Variants in FRMD4B observed in about 807,000 individuals in gnomAD.
The protein encoded by FRMD4B is FERM domain containing 4B, also known as FERM domain-containing protein 4B.
A neutral mutation model predicts 141.5 loss-of-function variants in FRMD4B; 74 were observed. The observed-to-expected ratio is 0.52, with a 90% CI of 0.43 to 0.63. The LOEUF (loss-of-function observed/expected upper bound fraction) is 0.63, where lower values mean the gene tolerates loss of function less well. Ranked by LOEUF, FRMD4B falls within the 30% of genes least tolerant of loss-of-function variation. The pLI is 0.00. For synonymous variants in FRMD4B, 506 were observed against 467.9 expected (o/e 1.08, Z -1.05); for missense variants, 1,366 against 1,253.4 (o/e 1.09, Z -1.36).
chr3:69,519,684 G>C (rs1206984495), intron 1 of FRMD4B, among the ~76,000 whole-genome samples: 1 of 152,046 alleles, frequency 6.6e-6, no homozygotes, highest in Non-Finnish European at 1.5e-5. Flanking sequence ...ACAGTTGGTA[G>C]TTGGTTACAT....
intron 1 of FRMD4B, among the ~76,000 whole-genome samples, chr3:69,331,707 A>G (rs1702375022): frequency 6.6e-6 from 1 of 152,110 alleles, no homozygotes; most frequent in Non-Finnish European, 1.5e-5. Flanking sequence ...CTCACATGAG[A>G]TAAGATGTAT....
chr3:69,415,564 G>A (rs1290249600), intron 2 of FRMD4B, among the ~76,000 whole-genome samples: 1 of 152,026 alleles, frequency 6.6e-6, no homozygotes, highest in Non-Finnish European at 1.5e-5. Flanking sequence ...CCCTTTTCCT[G>A]GTTAGGTGCT....
intron 1 of FRMD4B, among the ~76,000 whole-genome samples, chr3:69,455,343 CTTG>C (rs1559532371): frequency 1.3e-5 from 2 of 152,186 alleles, no homozygotes; most frequent in Non-Finnish European, 2.9e-5. Flanking sequence ...TTTGCAGTTG[CTTG>C]TTATTTGGGT....
intron 1 of FRMD4B, among the ~76,000 whole-genome samples, chr3:69,441,132 T>C (rs1387265353): frequency 1.3e-5 from 2 of 152,210 alleles, no homozygotes; most frequent in Non-Finnish European, 2.9e-5. Flanking sequence ...GGCTTTCTGT[T>C]ACACTAAGAA....
chr3:69,358,745 CAAAT>C (rs1703392903), intron 1 of FRMD4B, among the ~76,000 whole-genome samples: 1 of 152,176 alleles, frequency 6.6e-6, no homozygotes, highest in South Asian at 2.1e-4. Context: ...CAAAAACAAA[CAAAT>C]AAACAAACAA....
chr3:69,292,493 G>A (rs930097739), intron 4 of FRMD4B, among the ~76,000 whole-genome samples: 1 of 152,144 alleles, frequency 6.6e-6, no homozygotes, highest in Non-Finnish European at 1.5e-5. Context: ...CTTGTTTTTG[G>A]AGTCCAGGCC....
rs780397205 is a variant in FRMD4B at position 69,176,590 on chromosome 3, G to A, written c.2918C>T (p.Thr973Ile). 4 of 1,607,442 alleles carry A rather than the reference G, an allele frequency of 2.5e-6. No individual in the cohort carries two copies. Among genetic ancestry groups the A allele is most frequent in the African/African-American group, 2.7e-5 (2 of 74,808 alleles). Residue 973 changes from threonine to isoleucine, a missense_variant, in exon 22 of 23, where the codon ACT becomes ATT. Physicochemically the swap from Thr to Ile is moderately conservative, Grantham distance 89. Coordinates refer to ENST00000398540, the MANE Select transcript of FRMD4B (RefSeq NM_015123.3). ...GCTGGTGTAAGAAGAATGTGCTGGA[G>A]TCTCGTAATCCGACAGCCCTATGGT... ...QLTIGLSDYE[T>I]PAHSSYTSCY...
Position 69,350,301 on chromosome 3 carries a change from G to A in FRMD4B, c.162+35527C>T, listed in dbSNP as rs568316268. Among the ~76,000 whole-genome samples, 299 of 152,046 alleles carry A rather than the reference G, an allele frequency of 2.0e-3. 9 individuals carry two copies. The South Asian group carries it at 0.054, about 28-fold the overall frequency. The stretch of plus-strand genomic sequence containing the variant: ...ACCATCTCACACCAGTTAGAATGGC[G>A]ATCATTAAAAAGTCAGGAAACAACA... On this transcript the variant is annotated intron_variant, in intron 1 of 22. Transcript: ENST00000398540.
chr3:69,274,818 C>G (rs1268978435), intron 5 of FRMD4B, among the ~76,000 whole-genome samples: 5 of 152,206 alleles, frequency 3.3e-5, no homozygotes, highest in Admixed American at 1.3e-4. Flanking sequence ...TGCACCCAGC[C>G]TATTTGTTGA....
intron 1 of FRMD4B, among the ~76,000 whole-genome samples, chr3:69,381,820 T>C (rs1468046184): frequency 2.6e-5 from 4 of 152,230 alleles, no homozygotes; most frequent in Non-Finnish European, 5.9e-5. Context: ...GCAGTGAACA[T>C]TGTTGGTTGC....
In FRMD4B at chr3:69,195,069, C is replaced by A. The variant is rs768159242; in HGVS notation, c.1441G>T (p.Val481Leu). The change falls in exon 16 of 23, where the codon GTG becomes TTG. Residue 481 changes from valine (V) to leucine (L), a missense_variant. Transcript: ENST00000398540. ...GEKPPQVRRRVGTAFKLDDNL... is the reference protein window; with the variant it reads ...GEKPPQVRRRLGTAFKLDDNL... The stretch of plus-strand genomic sequence containing the variant: ...TCATCTAATTTGAACGCAGTACCCA[C>A]ACGTCTTCTGACCTGAGGAGGCTTC... 21 of 1,613,810 alleles carry A rather than the reference C, an allele frequency of 1.3e-5. No homozygotes were observed. Among genetic ancestry groups the A allele is most frequent in the Non-Finnish European group, 1.8e-5 (21 of 1,179,800 alleles).
At chr3:69,437,443 TA>T (rs963667646) in intron 1 of FRMD4B, among the ~76,000 whole-genome samples, 13 of 147,642 alleles carry the variant, frequency 8.8e-5, no homozygotes, top group African/African-American at 1.2e-4. Context: ...ATATATATAA[TA>T]TAAAATATAT....
intron 5 of FRMD4B, among the ~76,000 whole-genome samples, chr3:69,276,884 GA>G (rs2093620321): frequency 6.6e-6 from 1 of 152,222 alleles, no homozygotes; most frequent in Non-Finnish European, 1.5e-5. Flanking sequence ...AGAATCGCAT[GA>G]ACCTGAGAGG....
At chr3:69,183,815 G>A (rs2092736433) in intron 19 of FRMD4B, among the ~76,000 whole-genome samples, 3 of 151,622 alleles carry the variant, frequency 2.0e-5, no homozygotes, top group Non-Finnish European at 2.9e-5. Context: ...AAATAATTTT[G>A]ATCAAATTTT....
chr3:69,392,616 A>C (rs1053611136), intron 2 of FRMD4B, among the ~76,000 whole-genome samples: 4 of 152,182 alleles, frequency 2.6e-5, no homozygotes, highest in African/African-American at 9.6e-5. Context: ...ACTAAGCTGA[A>C]GGAGTGTTCC....
At chr3:69,382,775 T>A (rs1299073580) in intron 1 of FRMD4B, among the ~76,000 whole-genome samples, 2 of 151,790 alleles carry the variant, frequency 1.3e-5, no homozygotes, top group Non-Finnish European at 2.9e-5. Flanking sequence ...AAATTCTTTC[T>A]TTCTGGATGT....
intron 5 of FRMD4B, among the ~76,000 whole-genome samples, chr3:69,272,826 T>A (rs2093601657): frequency 6.6e-6 from 1 of 152,214 alleles, no homozygotes; most frequent in African/African-American, 2.4e-5. Flanking sequence ...AATCCTCTTA[T>A]CTCAAGGCAT....
At chr3:69,276,093 A>G (rs2093616752) in intron 5 of FRMD4B, among the ~76,000 whole-genome samples, 2 of 152,212 alleles carry the variant, frequency 1.3e-5, no homozygotes, top group African/African-American at 4.8e-5. Context: ...ATATCCTATC[A>G]TATGAATGAT....
chr3:69,483,466 G>A (rs1003905201), intron 1 of FRMD4B, among the ~76,000 whole-genome samples: 8 of 152,114 alleles, frequency 5.3e-5, no homozygotes, highest in African/African-American at 1.9e-4. Context: ...AAGATATTTT[G>A]GAGTCTGTGA....
Sources: allele counts gnomAD v4.1 joint callset (sites outside exome capture counted in the v4.1 genomes callset), GRCh38; gene constraint gnomAD v4.1.1; transcripts MANE v1.5; gene names NCBI Gene and HGNC (gene_info 2026-07-23, HGNC 2026-07-21).